STARD13: variants seen among roughly 807,000 people sequenced by gnomAD.
STARD13 encodes the protein stAR-related lipid transfer protein 13.
In STARD13, 62 loss-of-function variants were observed where a neutral mutation model predicts 106.4. That is an observed-to-expected ratio of 0.58 (90% confidence interval 0.48 to 0.72). The LOEUF is 0.72. Ranked by LOEUF, STARD13 falls within the 30% of genes least tolerant of loss-of-function variation. The pLI is 0.00. For synonymous variants in STARD13, 565 were observed against 553.0 expected (o/e 1.02, Z -0.31); for missense variants, 1,387 against 1,424.0 (o/e 0.97, Z 0.42).
At chr13:33,149,281 C>T (rs537260429) in intron 3 of STARD13, among the ~76,000 whole-genome samples, 14 of 151,594 alleles carry the variant, frequency 9.2e-5, no homozygotes, top group Non-Finnish European at 1.9e-4. Flanking sequence ...AGTGAGTGGG[C>T]GGGGGGCTGT....
rs747332842 is a variant in STARD13 at position 33,110,719 on chromosome 13, G to A, written c.2796C>T (p.Ser932=). 1 of 1,614,204 alleles carries A rather than the reference G, an allele frequency of 6.2e-7. No homozygotes were observed. Among genetic ancestry groups the A allele is most frequent in the Non-Finnish European group, 8.5e-7 (1 of 1,179,998 alleles). ...AAGCAAGATCTGTATTGTCCGTGCT[G>A]GAGCACGTGACCCATCCTTTGAACT... ...KEKFKGWVTC[S]STDNTDLAFK... is the part of the protein sequence containing the mutation. Residue 932 remains serine (S), a synonymous_variant, in exon 11 of 14, where the codon TCC becomes TCT. Transcript: ENST00000336934.
intron 1 of STARD13, among the ~76,000 whole-genome samples, chr13:33,201,826 A>AT (rs1259835414): frequency 3.3e-5 from 5 of 152,196 alleles, no homozygotes; most frequent in African/African-American, 1.2e-4. Flanking sequence ...TATATCCTTG[A>AT]TTCTGTGTAA....
intron 1 of STARD13, among the ~76,000 whole-genome samples, chr13:33,244,129 A>T (rs1441874188): frequency 6.7e-6 from 1 of 150,308 alleles, no homozygotes; most frequent in African/African-American, 2.5e-5. Flanking sequence ...CAGATTTTGG[A>T]GTTTTGGATT....
At chr13:33,288,591 A>T (rs201806752), upstream of STARD13, among the ~76,000 whole-genome samples, 3,239 of 149,742 alleles carry the variant, frequency 0.022, 79 homozygotes, top group African/African-American at 0.059. Context: ...TTTTTTTTTT[A>T]AAAAAAGGGA....
chr13:33,545,919 A>G, the STARD13 span, among the ~76,000 whole-genome samples: 20 of 152,232 alleles, frequency 1.3e-4, no homozygotes, highest in Non-Finnish European at 1.9e-4. Flanking sequence ...TTCTTCATAA[A>G]TTACCCAGCC....
the STARD13 span, among the ~76,000 whole-genome samples, chr13:33,499,515 T>TTCTTC: frequency 3.5e-3 from 376 of 106,260 alleles, 14 homozygotes; most frequent in Admixed American, 5.0e-3. Context: ...CTTCTTCTTC[T>TTCTTC]TTCTTTCTTC....
chr13:33,185,896 G>C lies in STARD13; in HGVS notation c.170-18274C>G, dbSNP rs774950400. 2.5e-6 allele frequency: 4 copies of C among 1,614,158 alleles called. No homozygotes were observed. The South Asian group carries it at 4.4e-5, about 18-fold the overall frequency. On this transcript the variant is annotated intron_variant, in intron 1 of 13. Transcript: ENST00000336934. ...CACTTACCCCGGCGCTGGAATGTGTGGTTCACTCTGCTTTTCTGTTTCCCA... is the reference window on the plus strand; with the variant it reads ...CACTTACCCCGGCGCTGGAATGTGTCGTTCACTCTGCTTTTCTGTTTCCCA...
At chr13:33,189,146 T>C (rs114334486) in intron 1 of STARD13, among the ~76,000 whole-genome samples, 70 of 152,280 alleles carry the variant, frequency 4.6e-4, no homozygotes, top group Middle Eastern at 3.4e-3. Context: ...ATGCTTCATA[T>C]AAAACCATAA....
At chr13:33,379,237 A>G in the STARD13 span, among the ~76,000 whole-genome samples, 2 of 152,238 alleles carry the variant, frequency 1.3e-5, no homozygotes, top group Non-Finnish European at 2.9e-5. Context: ...TCTTATGACA[A>G]TTAGACTAAG....
At chr13:33,646,804 A>G in the STARD13 span, among the ~76,000 whole-genome samples, 30,687 of 152,038 alleles carry the variant, frequency 0.2, 6,628 homozygotes, top group African/African-American at 0.53. Context: ...TTACATGCAA[A>G]TTCTTTTAAA....
At chr13:33,546,644 G>A in the STARD13 span, among the ~76,000 whole-genome samples, 2 of 146,700 alleles carry the variant, frequency 1.4e-5, no homozygotes, top group Non-Finnish European at 3.0e-5. Context: ...TTGTGTTGTC[G>A]TATTAATTTT....
At chr13:33,449,666 G>A in the STARD13 span, among the ~76,000 whole-genome samples, 23 of 152,250 alleles carry the variant, frequency 1.5e-4, no homozygotes, top group African/African-American at 5.5e-4. Context: ...GTTAGCAATT[G>A]CATTGAAACT....
chr13:33,595,820 ACT>A, the STARD13 span, among the ~76,000 whole-genome samples: 1 of 152,164 alleles, frequency 6.6e-6, no homozygotes, highest in Admixed American at 6.5e-5. Flanking sequence ...GTATTAAAAT[ACT>A]CTCTTAAAAA....
chr13:33,666,027 G>A, the STARD13 span, among the ~76,000 whole-genome samples: 1 of 152,210 alleles, frequency 6.6e-6, no homozygotes, highest in Non-Finnish European at 1.5e-5. Flanking sequence ...TGAAGAAAGA[G>A]AAGCTGCTGC....
the STARD13 span, among the ~76,000 whole-genome samples, chr13:33,368,746 C>T: frequency 6.6e-6 from 1 of 152,010 alleles, no homozygotes; most frequent in South Asian, 2.1e-4. Context: ...GTGGTGGCTG[C>T]GGATATGAGG....
chr13:33,347,365 A>G (rs959252134), downstream of STARD13, among the ~76,000 whole-genome samples: 5 of 151,962 alleles, frequency 3.3e-5, no homozygotes, highest in African/African-American at 1.2e-4. Flanking sequence ...CCTCCCATGT[A>G]GCTTGGATTA....
At chr13:33,369,201 C>T in the STARD13 span, among the ~76,000 whole-genome samples, 5 of 151,972 alleles carry the variant, frequency 3.3e-5, no homozygotes, top group Non-Finnish European at 5.9e-5. Context: ...TAGACCAATT[C>T]AGAAGTAGCC....
chr13:33,493,962 C>T, the STARD13 span, among the ~76,000 whole-genome samples: 2 of 152,154 alleles, frequency 1.3e-5, no homozygotes, highest in Middle Eastern at 3.2e-3. Context: ...CGACTTGGTG[C>T]GGGTTTCTCA....
chr13:33,241,304 T>C (rs979509711), intron 1 of STARD13, among the ~76,000 whole-genome samples: 4 of 152,160 alleles, frequency 2.6e-5, no homozygotes, highest in African/African-American at 9.7e-5. Context: ...AAAAGGAACC[T>C]AGTGAATGTT....
Sources: allele counts gnomAD v4.1 joint callset (sites outside exome capture counted in the v4.1 genomes callset), GRCh38; gene constraint gnomAD v4.1.1; transcripts MANE v1.5; gene names NCBI Gene and HGNC (gene_info 2026-07-23, HGNC 2026-07-21).